Variants in MICAL3 observed in about 807,000 individuals in gnomAD.
MICAL3 encodes microtubule associated monooxygenase, calponin and LIM domain containing 3.
Under a neutral mutation model 207.4 loss-of-function variants are expected in MICAL3, and 62 were observed. The observed-to-expected ratio is 0.30, with a 90% confidence interval of 0.24 to 0.37. The LOEUF (loss-of-function observed/expected upper bound fraction) is 0.37, where lower values mean the gene tolerates loss of function less well. Among genes scored for constraint, MICAL3 ranks in the 10% least tolerant of loss-of-function variants. The pLI, the probability that MICAL3 is intolerant of heterozygous loss-of-function variation, is 1.00. For synonymous variants in MICAL3, 1,077 were observed against 1,069.3 expected (o/e 1.01, Z -0.14); for missense variants, 2,368 against 2,635.6 (o/e 0.90, Z 2.22).
chr22:17,904,876 T>A (rs759010644), intron 2 of MICAL3, 37 bp from the exon 3 acceptor site: 3 of 1,432,054 alleles, frequency 2.1e-6, no homozygotes, highest in Admixed American at 3.4e-5. Flanking sequence ...AGGCGGCACT[T>A]CCAACAAACA....
At chr22:17,855,206 G>A (rs1179572680) in intron 19 of MICAL3, among the ~76,000 whole-genome samples, 1 of 152,232 alleles carries the variant, frequency 6.6e-6, no homozygotes, top group African/African-American at 2.4e-5. Context: ...TGTGAGTTCA[G>A]TACAGAGTGG....
intron 22 of MICAL3, among the ~76,000 whole-genome samples, chr22:17,825,510 G>C (rs1192567974): frequency 2.0e-5 from 3 of 152,274 alleles, no homozygotes; most frequent in East Asian, 3.9e-4. Context: ...CTATCTAGAA[G>C]AGGAGCCAGC....
At chr22:17,904,506 G>T (rs1931571404) in intron 3 of MICAL3, 126 bp downstream of exon 3, 6 of 751,998 alleles carry the variant, frequency 8.0e-6, no homozygotes, top group Admixed American at 5.7e-5. Context: ...CTATAAGAAA[G>T]ACAGTAATGA....
chr22:17,821,950 T>C, intron 24 of MICAL3, 80 bp downstream of exon 24: 1 of 1,548,366 alleles, frequency 6.5e-7, no homozygotes, highest in Admixed American at 1.8e-5. Flanking sequence ...CTGAAGCGCC[T>C]GGCCCCTGAG....
chr22:17,790,784 T>C lies in MICAL3; in HGVS notation c.5957A>G (p.Lys1986Arg), dbSNP rs984878925. ...GGACAGCATGGCAGCCTCCAGGTCC[T>C]TGTCCTCCTCTCTCTCCCGGAGCCG... ...EQRLREREED[K>R]DLEAAMLSKG... The change falls in exon 32 of 32, where the codon AAG becomes AGG. Residue 1986 changes from lysine to arginine, a missense_variant. Coordinates refer to ENST00000441493, the MANE Select transcript of MICAL3 (RefSeq NM_015241.3). 3.1e-6 allele frequency: 5 copies of C among 1,612,482 alleles called. No homozygotes were observed. In the African/African-American group the frequency reaches 6.7e-5, roughly 22 times the overall value.
chr22:17,898,611 T>C (rs191311514), intron 7 of MICAL3, among the ~76,000 whole-genome samples: 463 of 152,380 alleles, frequency 3.0e-3, no homozygotes, highest in Non-Finnish European at 5.3e-3. Context: ...TTGTGGGAAC[T>C]GCACAGGCCT....
At chr22:18,012,063 C>T (rs1050079241) in intron 1 of MICAL3, among the ~76,000 whole-genome samples, 25 of 151,862 alleles carry the variant, frequency 1.6e-4, no homozygotes, top group Non-Finnish European at 3.2e-4. Context: ...GGTGAAACCC[C>T]GTCTCTACTA....
At chr22:17,953,791 C>T (rs925483601) in intron 1 of MICAL3, among the ~76,000 whole-genome samples, 2 of 151,562 alleles carry the variant, frequency 1.3e-5, no homozygotes, top group African/African-American at 2.4e-5. Flanking sequence ...ATTAGCTGAA[C>T]GCAGTGGTGC....
At position 17,882,697 on chromosome 22, in the gene MICAL3, T is replaced by C. The variant is rs117203685; in HGVS notation, c.2241+3181A>G. Among the ~76,000 whole-genome samples the C allele has an allele frequency of 2.6e-4, 39 of 152,356 alleles. No homozygotes were observed. In the East Asian group the frequency reaches 5.2e-3, roughly 20 times the overall value. On this transcript the variant is annotated intron_variant, in intron 16 of 31. Transcript: ENST00000441493. ...GGTAAATTCGCAAATCCCTATTGGA[T>C]ATCCCCTGTACCAAAGAACCTAACG...
intron 29 of MICAL3, among the ~76,000 whole-genome samples, chr22:17,804,284 G>A (rs560828587): frequency 6.6e-6 from 1 of 152,326 alleles, no homozygotes; most frequent in East Asian, 1.9e-4. Flanking sequence ...CAGGCTGAGG[G>A]CCTGGAGGCA....
At chr22:17,803,738 C>G in intron 29 of MICAL3, 1 of 736,324 alleles carries the variant, frequency 1.4e-6, no homozygotes, top group Non-Finnish European at 1.7e-6. Context: ...TTTTTGTGAG[C>G]AGGGACTGGG....
At chr22:17,877,462 A>G (rs1928881422) in intron 16 of MICAL3, among the ~76,000 whole-genome samples, 1 of 82,312 alleles carries the variant, frequency 1.2e-5, no homozygotes, top group Non-Finnish European at 2.5e-5. Flanking sequence ...GAGGTTAGGG[A>G]GATTATGGAG....
chr22:17,958,650 G>A (rs1602292427), intron 1 of MICAL3, among the ~76,000 whole-genome samples: 2 of 152,234 alleles, frequency 1.3e-5, no homozygotes, highest in Admixed American at 1.3e-4. Context: ...GAAGTGGGCT[G>A]AAGCAGGGCA....
chr22:17,877,180 G>C (rs369400606), intron 16 of MICAL3, among the ~76,000 whole-genome samples: 10 of 38,622 alleles, frequency 2.6e-4, no homozygotes, highest in East Asian at 7.5e-4. Context: ...AGGGAGGTTA[G>C]GGAAGTTATG....
At chr22:17,917,749 G>T (rs1384321040) in intron 1 of MICAL3, among the ~76,000 whole-genome samples, 1 of 152,222 alleles carries the variant, frequency 6.6e-6, no homozygotes, top group Admixed American at 6.5e-5. Context: ...CAGCCATGCA[G>T]AGTGCCCCTC....
chr22:17,817,810 C>T lies in MICAL3; in HGVS notation c.4851G>A (p.Leu1617=), dbSNP rs758115326. ...CCAGCTCCATCTGCTGCATCCTGCT[C>T]AGCTGCCTGGCCATGGCGTCCCGCA... ...QALRDAMARQ[L]SRMQQMELAS... The change falls in exon 26 of 32, where the codon CTG becomes CTA. Residue 1617 remains leucine, a synonymous_variant. Transcript: ENST00000441493. 7 of 1,609,638 alleles carry T rather than the reference C, an allele frequency of 4.3e-6. No individual in the cohort carries two copies. In the South Asian group the frequency reaches 6.6e-5, roughly 15 times the overall value.
chr22:17,807,869 A>T (rs1485583200), intron 29 of MICAL3, among the ~76,000 whole-genome samples: 2 of 152,228 alleles, frequency 1.3e-5, no homozygotes, highest in African/African-American at 4.8e-5. Context: ...CCCCTCTGCC[A>T]CACTAGAGTG....
chr22:17,821,927 C>G, intron 24 of MICAL3, 103 bp downstream of exon 24: 1 of 1,436,052 alleles, frequency 7.0e-7, no homozygotes, highest in South Asian at 1.3e-5. Flanking sequence ...CTGGTGTGCA[C>G]CATGGCTCTG....
chr22:17,864,212 G>A (rs751036272), intron 19 of MICAL3: 284 of 1,002,050 alleles, frequency 2.8e-4, no homozygotes, highest in Middle Eastern at 2.6e-3. Flanking sequence ...TGTAGAGGTA[G>A]AGATGGTACT....
Sources: allele counts gnomAD v4.1 joint callset (sites outside exome capture counted in the v4.1 genomes callset), GRCh38; gene constraint gnomAD v4.1.1; transcripts MANE v1.5; gene names NCBI Gene and HGNC (gene_info 2026-07-23, HGNC 2026-07-21).